The following PTPRD variants were observed in gnomAD, a reference collection of about 807,000 sequenced individuals.
PTPRD encodes receptor-type tyrosine-protein phosphatase delta.
A neutral mutation model predicts 214.5 loss-of-function variants in PTPRD; 34 were observed. The observed-to-expected ratio is 0.16, with a 90% CI of 0.12 to 0.21. The LOEUF (loss-of-function observed/expected upper bound fraction) is 0.21. Ranked by LOEUF, PTPRD falls within the 10% of genes least tolerant of loss-of-function variation. PTPRD has a pLI of 1.00. For synonymous variants in PTPRD, 1,128 were observed against 845.7 expected (o/e 1.33, Z -5.79); for missense variants, 2,545 against 2,398.7 (o/e 1.06, Z -1.27).
intron 8 of PTPRD, among the ~76,000 whole-genome samples, chr9:9,409,849 T>C (rs2074792449): frequency 6.6e-6 from 1 of 152,100 alleles, no homozygotes; most frequent in Non-Finnish European, 1.5e-5. Flanking sequence ...CTAAGGTTTC[T>C]AATATTTTTT....
chr9:8,631,843 G>A (rs1172943018), intron 14 of PTPRD, among the ~76,000 whole-genome samples: 2 of 151,702 alleles, frequency 1.3e-5, no homozygotes, highest in Non-Finnish European at 2.9e-5. Flanking sequence ...GCCTAATTAT[G>A]CTTTTAATTT....
rs1414168123 is a variant in PTPRD, at chr9:8,627,514, A to C, written c.352+5803T>G. ...GATGTTCATTTCAAAATTATTAAAA[A>C]TAATATTTTAATATGAAGTCAAAAG... On this transcript the variant is annotated intron_variant, in intron 14 of 45. Transcript: ENST00000381196. Among the ~76,000 whole-genome samples the C allele has an allele frequency of 5.3e-5, 8 of 152,040 alleles. No individual in the cohort carries two copies. The East Asian group carries it at 7.8e-4, about 15-fold the overall frequency.
intron 14 of PTPRD, among the ~76,000 whole-genome samples, chr9:8,631,498 C>T (rs919859914): frequency 3.3e-5 from 5 of 151,734 alleles, no homozygotes; most frequent in South Asian, 2.1e-4. Flanking sequence ...TCTGGATTAT[C>T]GGAATGTCTC....
At chr9:9,291,345 T>G (rs1264563528) in intron 9 of PTPRD, among the ~76,000 whole-genome samples, 1 of 151,492 alleles carries the variant, frequency 6.6e-6, no homozygotes, top group African/African-American at 2.4e-5. Flanking sequence ...ACTGCTTTCT[T>G]TACAATTAAA....
intron 14 of PTPRD, among the ~76,000 whole-genome samples, chr9:8,609,278 G>A (rs2095354767): frequency 6.6e-6 from 1 of 152,186 alleles, no homozygotes; most frequent in Non-Finnish European, 1.5e-5. Flanking sequence ...TGGCAGCACT[G>A]GACAGGGTGT....
At chr9:9,078,465 T>C (rs531133675) in intron 10 of PTPRD, among the ~76,000 whole-genome samples, 1 of 152,266 alleles carries the variant, frequency 6.6e-6, no homozygotes, top group Non-Finnish European at 1.5e-5. Flanking sequence ...TCGAAAGGGC[T>C]GACCAAGTTC....
intron 2 of PTPRD, among the ~76,000 whole-genome samples, chr9:10,551,476 A>G (rs1222867197): frequency 2.0e-5 from 3 of 152,184 alleles, no homozygotes; most frequent in Admixed American, 6.5e-5. Context: ...ATTAGGGAGT[A>G]GAGACTTTTA....
intron 13 of PTPRD, among the ~76,000 whole-genome samples, chr9:8,634,835 A>G (rs2096377830): frequency 6.6e-6 from 1 of 151,786 alleles, no homozygotes; most frequent in African/African-American, 2.4e-5. Flanking sequence ...ACTATTTCCT[A>G]GATTTAGATC....
At chr9:8,444,529 T>A (rs951911814) in intron 34 of PTPRD, among the ~76,000 whole-genome samples, 16 of 152,072 alleles carry the variant, frequency 1.1e-4, no homozygotes, top group African/African-American at 3.9e-4. Context: ...TAATTTTAAA[T>A]ATGTCAAATA....
chr9:8,918,081 C>G (rs947184486), intron 11 of PTPRD, among the ~76,000 whole-genome samples: 1 of 152,162 alleles, frequency 6.6e-6, no homozygotes, highest in Non-Finnish European at 1.5e-5. Flanking sequence ...AGGGGAACCT[C>G]TACCCAAAGT....
intron 3 of PTPRD, among the ~76,000 whole-genome samples, chr9:10,123,264 C>G (rs773331962): frequency 6.6e-6 from 1 of 152,100 alleles, no homozygotes; most frequent in South Asian, 2.1e-4. Flanking sequence ...ACCTTTAGAC[C>G]CAATAGACTT....
At chr9:9,623,339 C>T (rs1015266300) in intron 7 of PTPRD, among the ~76,000 whole-genome samples, 1 of 152,148 alleles carries the variant, frequency 6.6e-6, no homozygotes, top group Admixed American at 6.6e-5. Context: ...TCAATTATCA[C>T]TTTACTAACA....
chr9:10,164,395 G>GT (rs1023515847), intron 3 of PTPRD, among the ~76,000 whole-genome samples: 5 of 151,264 alleles, frequency 3.3e-5, no homozygotes, highest in African/African-American at 1.2e-4. Flanking sequence ...CAGATTCACT[G>GT]TTTTTTCTCC....
intron 9 of PTPRD, among the ~76,000 whole-genome samples, chr9:9,234,361 C>T (rs180917182): frequency 9.9e-5 from 15 of 152,256 alleles, no homozygotes; most frequent in African/African-American, 3.6e-4. Flanking sequence ...CTGGGCCCAG[C>T]CCATGAAACC....
chr9:8,370,128 T>A (rs977590698), intron 39 of PTPRD, among the ~76,000 whole-genome samples: 10 of 151,846 alleles, frequency 6.6e-5, no homozygotes, highest in Non-Finnish European at 1.0e-4. Context: ...AAATAGAAAG[T>A]TCTGCCCCAA....
intron 36 of PTPRD, among the ~76,000 whole-genome samples, chr9:8,403,421 T>A (rs2092651535): frequency 1.3e-5 from 2 of 152,236 alleles, no homozygotes; most frequent in South Asian, 4.1e-4. Flanking sequence ...ACATGGCATG[T>A]GCCAAGGGTG....
chr9:8,346,203 T>C (rs1857461682), intron 39 of PTPRD, among the ~76,000 whole-genome samples: 2 of 152,220 alleles, frequency 1.3e-5, no homozygotes, highest in East Asian at 1.9e-4. Context: ...TTGTTATGTA[T>C]TCAAACTCCA....
intron 26 of PTPRD, among the ~76,000 whole-genome samples, chr9:8,494,241 C>T (rs1351584225): frequency 1.3e-5 from 2 of 152,032 alleles, no homozygotes; most frequent in Non-Finnish European, 2.9e-5. Context: ...ATTGTTGAAG[C>T]TGATCCCAAA....
intron 11 of PTPRD, among the ~76,000 whole-genome samples, chr9:9,007,278 T>C (rs986262669): frequency 6.6e-6 from 1 of 150,954 alleles, no homozygotes; most frequent in African/African-American, 2.4e-5. Context: ...TCTGAATCAC[T>C]TGATTTTGTT....
Sources: allele counts gnomAD v4.1 joint callset (sites outside exome capture counted in the v4.1 genomes callset), GRCh38; gene constraint gnomAD v4.1.1; transcripts MANE v1.5; gene names NCBI Gene and HGNC (gene_info 2026-07-23, HGNC 2026-07-21).